Variants in PCNX2 observed in about 807,000 individuals in gnomAD.
PCNX2 encodes the protein pecanex 2.
A neutral mutation model predicts 223.8 loss-of-function variants in PCNX2; 168 were observed. The observed-to-expected ratio is 0.75, with a 90% CI of 0.66 to 0.85. The LOEUF is 0.85. PCNX2 is among the 40% of genes least tolerant of loss of function. The pLI, the probability that PCNX2 is intolerant of heterozygous loss-of-function variation, is 0.00. For synonymous variants in PCNX2, 1,006 were observed against 1,052.6 expected, an observed-to-expected ratio of 0.96 and a Z score of 0.86; for missense variants, 2,507 against 2,675.5, an observed-to-expected ratio of 0.94 and a Z score of 1.39.
At chr1:233,232,268 C>T (rs1658109827) in intron 9 of PCNX2, among the ~76,000 whole-genome samples, 1 of 152,070 alleles carries the variant, frequency 6.6e-6, no homozygotes, top group Non-Finnish European at 1.5e-5. Context: ...TTCAGTAGAA[C>T]ATCAATAAAT....
Position 233,001,584 on chromosome 1 carries a change from G to A in PCNX2, c.5050C>T (p.His1684Tyr). ...CTGATAGCTGGAGCTACAACTTTAT[G>A]CAGTAGGTCCATGTCAGCAAATACC... is the stretch of plus-strand genomic sequence containing the variant. ...EWVFADMDLLHKVVAPAIRMS... is the reference protein window; with the variant it reads ...EWVFADMDLLYKVVAPAIRMS... Residue 1684 changes from histidine to tyrosine, a missense_variant, in exon 29 of 34, where the codon CAT becomes TAT. His to Tyr is a moderately conservative substitution (Grantham distance 83, BLOSUM62 2). This residue lies in a region of PCNX2 where 1,372 missense variants were observed against 1,509.4 expected (regional missense o/e 0.91). Coordinates refer to ENST00000258229, the MANE Select transcript of PCNX2 (RefSeq NM_014801.4). This position sits in a 1 kb window ranked among gnomAD's most constrained non-coding sequence, Gnocchi z 4.2. 2 of 1,543,144 alleles carry A rather than the reference G, an allele frequency of 1.3e-6. No homozygotes were observed. Among genetic ancestry groups the A allele is most frequent in the East Asian group, 4.7e-5 (2 of 42,824 alleles).
At chr1:233,208,928 T>A (rs977002588) in intron 12 of PCNX2, among the ~76,000 whole-genome samples, 1 of 149,872 alleles carries the variant, frequency 6.7e-6, no homozygotes, top group African/African-American at 2.5e-5. Flanking sequence ...AAAAAAAATG[T>A]TATGCCTATC....
intron 15 of PCNX2, among the ~76,000 whole-genome samples, chr1:233,186,889 G>GCACACA (rs371765912): frequency 5.3e-5 from 8 of 149,834 alleles, no homozygotes; most frequent in South Asian, 2.1e-4. Context: ...ACATAGAAAT[G>GCACACA]CACACACACA....
intron 1 of PCNX2, among the ~76,000 whole-genome samples, chr1:233,276,781 T>C (rs1167588169): frequency 6.6e-6 from 1 of 152,220 alleles, no homozygotes; most frequent in Non-Finnish European, 1.5e-5. Flanking sequence ...TCCACGTTCA[T>C]TTAGCCTTTC....
intron 21 of PCNX2, among the ~76,000 whole-genome samples, chr1:233,122,112 G>GGAGAGA (rs3033288): frequency 4.2e-5 from 6 of 143,490 alleles, no homozygotes; most frequent in Non-Finnish European, 9.2e-5. Flanking sequence ...ACACACAGAG[G>GGAGAGA]GAGAGAGAGA....
In PCNX2 at chr1:233,295,342, GGCA is replaced by G. The variant is rs1558435586; in HGVS notation, c.134_136del (p.Leu45del). On this transcript the variant is annotated inframe_deletion, in exon 1 of 34. Coordinates refer to ENST00000258229, the MANE Select transcript of PCNX2 (RefSeq NM_014801.4). This position sits in a 1 kb window ranked among gnomAD's most constrained non-coding sequence, Gnocchi z 4.1. ...CCCACTCACCAGGTGCAGGGCCAGGGGCAGCAGCAGGAGGAACAGCCACAGGTA... is the reference window on the plus strand; with the variant it reads ...CCCACTCACCAGGTGCAGGGCCAGGGGCAGCAGGAGGAACAGCCACAGGTA... 6.4e-7 allele frequency: 1 copy of G among 1,574,290 alleles called. No homozygotes were observed.
chr1:233,096,110 T>C lies in PCNX2; in HGVS notation c.3838-247A>G, dbSNP rs565694119. Among the ~76,000 whole-genome samples, 26 of 152,360 alleles carry C rather than the reference T, an allele frequency of 1.7e-4. 1 individual carries two copies. In the South Asian group the frequency reaches 4.8e-3, roughly 28 times the overall value. On this transcript the variant is annotated intron_variant, in intron 21 of 33. Transcript: ENST00000258229. Reference sequence around the variant, plus strand: ...AACGGATTTATTATTTCAACCTATATATATGGTGTATCTCTTTGCCTTTCT... The same window carrying C: ...AACGGATTTATTATTTCAACCTATACATATGGTGTATCTCTTTGCCTTTCT...
intron 21 of PCNX2, among the ~76,000 whole-genome samples, chr1:233,120,763 A>T (rs2102735210): frequency 6.6e-6 from 1 of 152,366 alleles, no homozygotes; most frequent in East Asian, 1.9e-4. Context: ...CATTAATTTA[A>T]CTTTATCAAC....
At chr1:233,309,475 A>G in the PCNX2 span, among the ~76,000 whole-genome samples, 1 of 151,830 alleles carries the variant, frequency 6.6e-6, no homozygotes. Context: ...CAGGAGGTGG[A>G]GGATGCAGTG....
intron 19 of PCNX2, among the ~76,000 whole-genome samples, chr1:233,145,333 CT>C (rs531835520): frequency 2.8e-3 from 419 of 152,238 alleles, no homozygotes; most frequent in Non-Finnish European, 4.1e-3. Flanking sequence ...ACCTTTATTG[CT>C]TTATCTTTCA....
chr1:233,218,230 A>AGTGT, intron 10 of PCNX2, 46 bp from the exon 11 acceptor site: 2 of 982,056 alleles, frequency 2.0e-6, no homozygotes, highest in Non-Finnish European at 1.4e-6. Flanking sequence ...AAAAAAAAAA[A>AGTGT]AAGTGTAAGT....
chr1:233,252,446 T>A lies in PCNX2; in HGVS notation c.2036A>T (p.Asp679Val). Reference sequence around the variant, plus strand: ...ACTGATGACTTGCAAGACAGAACTATCTTGTTGGGAAGTTACCCTGTAGAT... The same window carrying A: ...ACTGATGACTTGCAAGACAGAACTAACTTGTTGGGAAGTTACCCTGTAGAT... ...QIIYRVTSQQ[D>V]SSVLQVISGP... The change falls in exon 7 of 34, where the codon GAT becomes GTT. Residue 679 changes from aspartate to valine, a missense_variant. By Grantham distance (152) the Asp-to-Val change is radical (BLOSUM62 -3). This residue lies in a region of PCNX2 where 1,031 missense variants were observed against 1,021.7 expected (regional missense o/e 1.01). Coordinates refer to ENST00000258229, the MANE Select transcript of PCNX2 (RefSeq NM_014801.4). 1.2e-6 allele frequency: 2 copies of A among 1,613,744 alleles called. No individual in the cohort carries two copies. Among genetic ancestry groups the A allele is most frequent in the Non-Finnish European group, 1.7e-6 (2 of 1,179,650 alleles).
rs1429146087 is a variant in PCNX2, at chr1:233,000,301, A to G, written c.5328+4T>C. 2 of 1,613,858 alleles carry G rather than the reference A, an allele frequency of 1.2e-6. No individual in the cohort carries two copies. The highest frequency in any genetic ancestry group is 1.7e-6 in the Non-Finnish European group (2 of 1,179,826). ...AGGGGACCCAGAAAGTGTGGCCGCC[A>G]TACCTTGATCACCTTGAAGCTCAGG... On this transcript the variant is annotated splice_donor_region_variant and intron_variant, in intron 30 of 33. Transcript: ENST00000258229. This position sits in a 1 kb window ranked among gnomAD's most constrained non-coding sequence, Gnocchi z 4.6.
chr1:233,085,837 C>A (rs776532199), intron 23 of PCNX2, among the ~76,000 whole-genome samples: 1 of 152,120 alleles, frequency 6.6e-6, no homozygotes, highest in African/African-American at 2.4e-5. Context: ...CCAGCAGTTC[C>A]GATTCCCTAT....
chr1:233,228,010 G>A (rs556952651), intron 9 of PCNX2, among the ~76,000 whole-genome samples: 17 of 152,102 alleles, frequency 1.1e-4, no homozygotes, highest in Admixed American at 2.0e-4. Context: ...TCATTGATTT[G>A]TCTATCAAAT....
At chr1:233,050,897 T>C (rs574406690) in intron 25 of PCNX2, among the ~76,000 whole-genome samples, 3 of 152,206 alleles carry the variant, frequency 2.0e-5, no homozygotes, top group African/African-American at 7.2e-5. Context: ...ACCTACAGAA[T>C]GGGAGATAAT....
At position 233,016,991 on chromosome 1, in the gene PCNX2, C is replaced by A. The variant is rs866800257; in HGVS notation, c.4769G>T (p.Gly1590Val). 2 of 1,613,704 alleles carry A rather than the reference C, an allele frequency of 1.2e-6. No homozygotes were observed. Among genetic ancestry groups the A allele is most frequent in the Non-Finnish European group, 1.7e-6 (2 of 1,179,806 alleles). The change falls in exon 27 of 34, where the codon GGG becomes GTG. Residue 1590 changes from glycine to valine, a missense_variant. Physicochemically the swap from Gly to Val is moderately radical, Grantham distance 109 (BLOSUM62 -3). This residue lies in a region of PCNX2 where 1,372 missense variants were observed against 1,509.4 expected (regional missense o/e 0.91). Coordinates refer to ENST00000258229, the MANE Select transcript of PCNX2 (RefSeq NM_014801.4). Reference sequence around the variant, plus strand: ...ATTGCAGAAGCTAGCTCGTGTGATCCCCTGGAGACACGGGACGTAGTCATC... The same window carrying A: ...ATTGCAGAAGCTAGCTCGTGTGATCACCTGGAGACACGGGACGTAGTCATC... Reference protein sequence around the residue: ...IDDDYVPCLQGITRASFCNVY... With the variant: ...IDDDYVPCLQVITRASFCNVY...
rs890946268 is a variant in PCNX2 at position 233,000,123 on chromosome 1, C to T, written c.5328+182G>A. ...TGATCCTGCCAGGGGAACACAGCACCCAGCCTGGCACCATGCCCTGCCCCA... is the reference window on the plus strand; with the variant it reads ...TGATCCTGCCAGGGGAACACAGCACTCAGCCTGGCACCATGCCCTGCCCCA... On this transcript the variant is annotated intron_variant, in intron 30 of 33. Transcript: ENST00000258229. This position sits in a 1 kb window ranked among gnomAD's most constrained non-coding sequence, Gnocchi z 4.6. Among the ~76,000 whole-genome samples the T allele has an allele frequency of 1.9e-4, 26 of 140,310 alleles. 1 individual carries two copies. Among genetic ancestry groups the T allele is most frequent in the Admixed American group, 1.8e-3 (26 of 14,778 alleles). The allele number at this position is 140,310 out of a possible 152,430, so 92.0% of individuals were successfully genotyped here. A position where few individuals can be genotyped will look rare whatever the true frequency, so the allele number is the denominator to read the frequency against.
chr1:233,054,247 C>T, intron 25 of PCNX2, 21 bp downstream of exon 25: 1 of 1,604,604 alleles, frequency 6.2e-7, no homozygotes, highest in Non-Finnish European at 8.5e-7. Context: ...TCAACAGTTT[C>T]TACAATGAAG....
Sources: gnomAD v4.1 joint callset for allele counts (sites outside exome capture counted in the v4.1 genomes callset) on GRCh38, gnomAD v4.1.1 for gene constraint, gnomAD v4.1.1 regional missense constraint, Gnocchi (gnomAD v3.1) non-coding constraint, MANE v1.5 for transcripts, NCBI Gene and HGNC (gene_info 2026-07-23, HGNC 2026-07-21) for gene names.